Variants in PLK1 observed in about 807,000 individuals in gnomAD.
The protein encoded by PLK1 is polo like kinase 1, also known as serine/threonine-protein kinase PLK1.
PLK1 carries 6 observed loss-of-function variants against 56.7 expected under a neutral mutation model. The observed-to-expected ratio is 0.11, with a 90% CI of 0.06 to 0.21. PLK1 has a LOEUF of 0.21. PLK1 is among the 10% of genes least tolerant of loss of function. The pLI, the probability that PLK1 is intolerant of heterozygous loss-of-function variation, is 1.00. For missense variants in PLK1, 546 were observed against 814.4 expected (o/e 0.67, Z 4.01); for synonymous variants, 298 against 325.0 (o/e 0.92, Z 0.89).
chr16:23,686,910 C>T (rs1959435903), intron 5 of PLK1: 1 of 152,132 alleles, frequency 6.6e-6, no homozygotes, highest in Non-Finnish European at 1.5e-5. Flanking sequence ...AGAATTAGCA[C>T]ATGGTGGTGG....
rs760041983 is a variant in PLK1, at chr16:23,689,422, T to A, written c.1425+30T>A. 16 of 1,600,882 alleles carry A rather than the reference T, an allele frequency of 1.0e-5. No homozygotes were observed. Among genetic ancestry groups the A allele is most frequent in the Non-Finnish European group, 1.4e-5 (16 of 1,168,934 alleles). On this transcript the variant is annotated intron_variant, in intron 8 of 9. Coordinates refer to ENST00000300093, the MANE Select transcript of PLK1 (RefSeq NM_005030.6). This position sits in a 1 kb window ranked among gnomAD's most constrained non-coding sequence, Gnocchi z 4.8. ...GTGCCGTCCGGCCCATGGGGGGTGG[T>A]GTTGCAGAAGTGGGACCTGTGCTGG... is the stretch of plus-strand genomic sequence containing the variant.
rs1172155341 is a variant in PLK1, at chr16:23,690,129, T to G, written c.*66T>G. On this transcript the variant is annotated 3_prime_UTR_variant, in exon 10 of 10. Transcript: ENST00000300093. Reference sequence around the variant, plus strand: ...ACCTGCATCTGGGGCCCATACTGGTTGGCTCCCGCGGTGCCATGTCTGCAG... The same window carrying G: ...ACCTGCATCTGGGGCCCATACTGGTGGGCTCCCGCGGTGCCATGTCTGCAG... 1 of 1,320,618 alleles carries G rather than the reference T, an allele frequency of 7.6e-7. No homozygotes were observed. Among genetic ancestry groups the G allele is most frequent in the Non-Finnish European group, 1.1e-6 (1 of 930,934 alleles). The allele number at this position is 1,320,618 out of a possible 1,614,324, so 81.8% of individuals were successfully genotyped here.
rs201917870 is a variant in PLK1 at position 23,689,415 on chromosome 16, G to C, written c.1425+23G>C. On this transcript the variant is annotated intron_variant, in intron 8 of 9. Transcript: ENST00000300093. This position sits in a 1 kb window ranked among gnomAD's most constrained non-coding sequence, Gnocchi z 4.8. ...AAGGTGAGTGCCGTCCGGCCCATGG[G>C]GGGTGGTGTTGCAGAAGTGGGACCT... The C allele has an allele frequency of 7.5e-5, 120 of 1,602,562 alleles. 2 individuals carry two copies. The highest frequency in any genetic ancestry group is 6.5e-4 in the South Asian group (59 of 90,942).
chr16:23,683,578 G>A (rs1191668915), intron 4 of PLK1, among the ~76,000 whole-genome samples: 2 of 152,158 alleles, frequency 1.3e-5, no homozygotes, highest in Admixed American at 6.5e-5. Context: ...ATGAGTTGGT[G>A]AGGGCTAAGT....
chr16:23,683,765 A>T, intron 4 of PLK1, 105 bp from the exon 5 acceptor site: 1 of 837,668 alleles, frequency 1.2e-6, no homozygotes, highest in South Asian at 1.4e-5. Flanking sequence ...TGTATTTGAG[A>T]CTGGGGGCTG....
In PLK1 at chr16:23,688,857, C is replaced by G. The variant is rs779773489; in HGVS notation, c.1270+112C>G. The G allele has an allele frequency of 7.7e-6, 6 of 779,350 alleles. No homozygotes were observed. In the Admixed American group the frequency reaches 7.7e-5, roughly 10 times the overall value. 48.3% of individuals were successfully genotyped at this position (779,350 alleles called of 1,614,324 possible). A position where few individuals can be genotyped will look rare whatever the true frequency, so the allele number is the denominator to read the frequency against. ...CAGGTACTGTTCTCAGTGCCCTCCT[C>G]TCTCCATCCCAGGCCTCCCAGTTCC... is the stretch of plus-strand genomic sequence containing the variant. On this transcript the variant is annotated intron_variant, in intron 7 of 9. Transcript: ENST00000300093.
chr16:23,679,714 G>T (rs577948714), intron 1 of PLK1: 2 of 273,770 alleles, frequency 7.3e-6, no homozygotes, highest in Non-Finnish European at 6.9e-6. Flanking sequence ...CTGGGTCAGT[G>T]GGGGGGTAGT....
rs201548434 is a variant in PLK1, at chr16:23,689,699, C to T, written c.1608+23C>T. 1.1e-4 allele frequency: 181 copies of T among 1,586,450 alleles called. 1 individual carries two copies. The East Asian group carries it at 3.8e-3, about 33-fold the overall frequency. ...CAGGTGAGCTGGAGGTCACCAGGCG[C>T]AGGAGAGAGCTGGGGTAGGCTCCGC... On this transcript the variant is annotated intron_variant, in intron 9 of 9. Transcript: ENST00000300093. The surrounding 1 kb of genome is among the most constrained non-coding windows in gnomAD (Gnocchi z 4.8).
chr16:23,681,912 T>C, intron 3 of PLK1, 152 bp from the exon 4 acceptor site: 1 of 603,122 alleles, frequency 1.7e-6, no homozygotes. Flanking sequence ...CTTCTGGGGC[T>C]GCTCAGTGGA....
In PLK1 at chr16:23,687,493, G is replaced by T. The variant is rs138670004; in HGVS notation, c.1061G>T (p.Arg354Leu). The T allele has an allele frequency of 6.3e-7, 1 of 1,592,778 alleles. No homozygotes were observed. Among genetic ancestry groups the T allele is most frequent in the Admixed American group, 1.7e-5 (1 of 58,098 alleles). ...GGCTTGGAGAACCCCCTGCCTGAGC[G>T]TCCCCGGGAAAAAGAAGAACCAGTG... ...NKGLENPLPE[R>L]PREKEEPVVR... Residue 354 changes from arginine (R) to leucine (L), a missense_variant, in exon 6 of 10, where the codon CGT (arginine) becomes CTT (leucine). Around this residue, in one of 7 missense-constraint regions of PLK1, gnomAD observed 157 missense variants for 184.0 expected, o/e 0.85. Coordinates refer to ENST00000300093, the MANE Select transcript of PLK1 (RefSeq NM_005030.6).
At chr16:23,688,435 A>G (rs1247954640) in intron 6 of PLK1, among the ~76,000 whole-genome samples, 1 of 152,214 alleles carries the variant, frequency 6.6e-6, no homozygotes, top group Admixed American at 6.5e-5. Context: ...AGTGAGTGGA[A>G]CTTGGTGCGC....
chr16:23,679,721 T>C, intron 1 of PLK1: 1 of 199,606 alleles, frequency 5.0e-6, no homozygotes, highest in Non-Finnish European at 9.4e-6. Context: ...AGTGGGGGGG[T>C]AGTTGGAGCC....
chr16:23,686,813 T>A (rs1959434698), intron 5 of PLK1, among the ~76,000 whole-genome samples: 2 of 152,190 alleles, frequency 1.3e-5, no homozygotes. Context: ...TTAAAGCAAA[T>A]CCCTAATATC....
At chr16:23,680,848 G>T in intron 2 of PLK1, 66 bp from the exon 3 acceptor site, 1 of 1,491,962 alleles carries the variant, frequency 6.7e-7, no homozygotes, top group Non-Finnish European at 9.1e-7. Flanking sequence ...ACCTTAACTA[G>T]CCTTCTGCAT....
chr16:23,686,030 T>C (rs1205755763), intron 5 of PLK1, among the ~76,000 whole-genome samples: 2 of 152,186 alleles, frequency 1.3e-5, no homozygotes, highest in Non-Finnish European at 2.9e-5. Flanking sequence ...TACTTATTTC[T>C]CTGCTTTTAT....
chr16:23,685,043 A>AT (rs1959405140), intron 5 of PLK1, among the ~76,000 whole-genome samples: 1 of 124,924 alleles, frequency 8.0e-6, no homozygotes, highest in African/African-American at 3.1e-5. Flanking sequence ...GGGGAGTGGT[A>AT]TGATCTCGAT....
chr16:23,682,698 T>TG (rs1172361470), intron 4 of PLK1, among the ~76,000 whole-genome samples: 10 of 149,936 alleles, frequency 6.7e-5, no homozygotes, highest in African/African-American at 2.4e-4. Flanking sequence ...TTTTTTTTTT[T>TG]TTTTTGTATT....
chr16:23,684,215 T>G, intron 5 of PLK1, 126 bp downstream of exon 5: 1 of 696,482 alleles, frequency 1.4e-6, no homozygotes, highest in East Asian at 2.6e-5. Context: ...TGTCCTTCAA[T>G]CCGTGGTTCC....
intron 5 of PLK1, among the ~76,000 whole-genome samples, chr16:23,684,717 G>T (rs1959396754): frequency 2.0e-5 from 3 of 151,612 alleles, no homozygotes; most frequent in Admixed American, 2.0e-4. Context: ...TTTTTTTGTG[G>T]CGTGATCCCG....
Sources: gnomAD v4.1 joint callset for allele counts (sites outside exome capture counted in the v4.1 genomes callset) on GRCh38, gnomAD v4.1.1 for gene constraint, gnomAD v4.1.1 regional missense constraint, Gnocchi (gnomAD v3.1) non-coding constraint, MANE v1.5 for transcripts, NCBI Gene and HGNC (gene_info 2026-07-23, HGNC 2026-07-21) for gene names.